CCL1: variants seen among roughly 807,000 people sequenced by gnomAD.
CCL1 encodes the protein C-C motif chemokine 1.
A neutral mutation model predicts 7.5 loss-of-function variants in CCL1; 9 were observed. The ratio of observed to expected loss-of-function variants is 1.20; its 90% CI spans 0.72 to 2.09. CCL1 has a LOEUF of 2.09. Ranked by LOEUF, CCL1 falls within the 30% of genes most tolerant of loss-of-function variation. The probability of loss-of-function intolerance (pLI) is 0.00; values close to 1 mark genes in which losing one functional copy is unlikely to be tolerated. For missense variants in CCL1, 110 were observed against 113.7 expected, an observed-to-expected ratio of 0.97 and a Z score of 0.15; for synonymous variants, 48 against 44.7, an observed-to-expected ratio of 1.07 and a Z score of -0.30.
chr17:34,361,997 C>A, intron 1 of CCL1, 101 bp from the exon 2 acceptor site: 1 of 736,114 alleles, frequency 1.4e-6, no homozygotes, highest in Non-Finnish European at 2.3e-6. Flanking sequence ...CCAGGACAAG[C>A]CCTGGCTTGG....
chr17:34,362,027 C>G, intron 1 of CCL1, 131 bp from the exon 2 acceptor site: 1 of 580,640 alleles, frequency 1.7e-6, no homozygotes, highest in Non-Finnish European at 3.1e-6. Context: ...CCAGACGGTG[C>G]CGGCATAGCT....
At chr17:34,362,050 C>T (rs1910521845) in intron 1 of CCL1, among the ~76,000 whole-genome samples, 154 bp from the exon 2 acceptor site, 1 of 152,200 alleles carries the variant, frequency 6.6e-6, no homozygotes, top group Admixed American at 6.5e-5. Context: ...GCCTCATCAG[C>T]CACCTTGTTC....
intron 1 of CCL1, 103 bp from the exon 2 acceptor site, chr17:34,361,999 C>A: frequency 1.4e-6 from 1 of 717,174 alleles, no homozygotes; most frequent in Admixed American, 2.3e-5. Flanking sequence ...AGGACAAGCC[C>A]TGGCTTGGGG....
intron 1 of CCL1, 126 bp from the exon 2 acceptor site, chr17:34,362,022 C>A: frequency 1.7e-6 from 1 of 601,972 alleles, no homozygotes; most frequent in South Asian, 2.0e-5. Context: ...CACATCCAGA[C>A]GGTGCCGGCA....
Position 34,361,855 on chromosome 17 carries a change from G to T in CCL1, c.118C>A (p.Gln40Lys). The change falls in exon 2 of 3, where the codon CAA (glutamine) becomes AAA (lysine). Residue 40 changes from glutamine (Q) to lysine (K), a missense_variant. Gln to Lys is a moderately conservative substitution (Grantham distance 53). Transcript: ENST00000225842. ...AGGATTGCCCTCAGGGGAATCTCTTGCTCCGCAAATGAGAAGCAACATCTG... is the reference window on the plus strand; with the variant it reads ...AGGATTGCCCTCAGGGGAATCTCTTTCTCCGCAAATGAGAAGCAACATCTG... ...FSRCCFSFAE[Q>K]EIPLRAILCY... The T allele has an allele frequency of 1.2e-6, 2 of 1,613,154 alleles. No individual in the cohort carries two copies. Among genetic ancestry groups the T allele is most frequent in the Non-Finnish European group, 8.5e-7 (1 of 1,179,180 alleles).
At chr17:34,361,083 T>TGG (rs929634110) in intron 2 of CCL1, among the ~76,000 whole-genome samples, 1 of 151,272 alleles carries the variant, frequency 6.6e-6, no homozygotes, top group Non-Finnish European at 1.5e-5. Context: ...TGTGTGTGGG[T>TGG]GTGTGTATTT....
intron 2 of CCL1, among the ~76,000 whole-genome samples, chr17:34,361,398 G>A (rs182516810): frequency 1.7e-4 from 26 of 152,290 alleles, no homozygotes; most frequent in African/African-American, 6.3e-4. Context: ...TCAGTACAAA[G>A]GAGTTACCTG....
rs202075985 is a variant in CCL1 at position 34,363,205 on chromosome 17, G to A, written c.-44C>T. The stretch of plus-strand genomic sequence containing the variant: ...GGCCTTCCTGGAGCAGCTTTGATGA[G>A]CCTGGTGAAGCTAAGAGCTCACCAC... On this transcript the variant is annotated 5_prime_UTR_variant, in exon 1 of 3. Transcript: ENST00000225842. The A allele has an allele frequency of 1.3e-6, 2 of 1,578,936 alleles. No individual in the cohort carries two copies. Among genetic ancestry groups the A allele is most frequent in the African/African-American group, 1.3e-5 (1 of 74,366 alleles).
At position 34,360,552 on chromosome 17, in the gene CCL1, A is replaced by C. The variant is rs749704943; in HGVS notation, c.*7T>G. 6.2e-7 allele frequency: 1 copy of C among 1,610,410 alleles called. No individual in the cohort carries two copies. The highest frequency in any genetic ancestry group is 2.2e-5 in the East Asian group (1 of 44,838). On this transcript the variant is annotated 3_prime_UTR_variant, in exon 3 of 3. Coordinates refer to ENST00000225842, the MANE Select transcript of CCL1 (RefSeq NM_002981.2). ...GTTTCCAGAGCCCACAATGGAAAGA[A>C]ATCTGCTCATTTTCTTTTTGACGGG...
chr17:34,360,505 C>A lies in CCL1; in HGVS notation c.*54G>T. The A allele has an allele frequency of 7.4e-7, 1 of 1,346,950 alleles. No homozygotes were observed. Among genetic ancestry groups the A allele is most frequent in the South Asian group, 1.2e-5 (1 of 85,832 alleles). 83.4% of individuals were successfully genotyped at this position (1,346,950 alleles called of 1,614,324 possible). A position where few individuals can be genotyped will look rare whatever the true frequency, so the allele number is the denominator to read the frequency against. On this transcript the variant is annotated 3_prime_UTR_variant, in exon 3 of 3. Coordinates refer to ENST00000225842, the MANE Select transcript of CCL1 (RefSeq NM_002981.2). Reference sequence around the variant, plus strand: ...AGGAATGGTGTAGGGCTGGTAGTTTCGGGGACAGGTGAAGCCATGTGGTTT... The same window carrying A: ...AGGAATGGTGTAGGGCTGGTAGTTTAGGGGACAGGTGAAGCCATGTGGTTT...
chr17:34,362,835 T>C (rs1487988598), intron 1 of CCL1, among the ~76,000 whole-genome samples: 1 of 49,062 alleles, frequency 2.0e-5, no homozygotes, highest in South Asian at 7.7e-4. Flanking sequence ...CAGGTTCCCT[T>C]CCTTGGGTCT....
chr17:34,361,960 T>A (rs769914616), intron 1 of CCL1, 64 bp from the exon 2 acceptor site: 28 of 1,164,146 alleles, frequency 2.4e-5, no homozygotes, highest in Non-Finnish European at 3.5e-5. Flanking sequence ...TAGCACAATT[T>A]TTAAAAAACA....
At chr17:34,362,568 T>C (rs796956353) in intron 1 of CCL1, among the ~76,000 whole-genome samples, 20 of 152,202 alleles carry the variant, frequency 1.3e-4, no homozygotes, top group African/African-American at 4.6e-4. Context: ...TTCCTCCTAG[T>C]TTTTCTGTTT....
At position 34,360,426 on chromosome 17, in the gene CCL1, CAT is replaced by C; in HGVS notation, c.*131_*132del. On this transcript the variant is annotated 3_prime_UTR_variant, in exon 3 of 3. Transcript: ENST00000225842. ...AATTTAAATGTTTAAAGTGCAACAACATAGCTTATCAAGACCAAGCAGATCCT... is the reference window on the plus strand; with the variant it reads ...AATTTAAATGTTTAAAGTGCAACAACAGCTTATCAAGACCAAGCAGATCCT... 1.4e-6 allele frequency: 1 copy of C among 705,480 alleles called. No homozygotes were observed. The highest frequency in any genetic ancestry group is 2.6e-6 in the Non-Finnish European group (1 of 391,962). 43.7% of individuals were successfully genotyped at this position (705,480 alleles called of 1,614,324 possible).
At chr17:34,361,721 T>G (rs141412811) in intron 2 of CCL1, 64 bp downstream of exon 2, 1 of 1,085,666 alleles carries the variant, frequency 9.2e-7, no homozygotes, top group Non-Finnish European at 1.4e-6. Context: ...TAGTGTCTAC[T>G]CTTGTAATTC....
Position 34,361,915 on chromosome 17 carries a change from C to A in CCL1, c.77-19G>T, listed in dbSNP as rs182368294. 4.6e-6 allele frequency: 7 copies of A among 1,520,504 alleles called. No homozygotes were observed. In the Admixed American group the frequency reaches 1.0e-4, roughly 22 times the overall value. The allele number at this position is 1,520,504 out of a possible 1,614,324, so 94.2% of individuals were successfully genotyped here. On this transcript the variant is annotated intron_variant, in intron 1 of 2. Transcript: ENST00000225842. ...ACCTGCACTAGAAGAGGAACACAGA[C>A]GATGGTTTGCATCCATTTCTCAACC...
Position 34,363,068 on chromosome 17 carries a change from G to T in CCL1, c.76+18C>A, listed in dbSNP as rs769545136. The T allele has an allele frequency of 3.7e-6, 6 of 1,610,120 alleles. No homozygotes were observed. The South Asian group carries it at 5.5e-5, about 15-fold the overall frequency. On this transcript the variant is annotated intron_variant, in intron 1 of 2. Transcript: ENST00000225842. ...TGCCCTCCCCAGAGAGAAGCAAAAT[G>T]ATGCCTGCCACACTCACTGCTCTTG...
intron 1 of CCL1, 40 bp from the exon 2 acceptor site, chr17:34,361,936 C>A: frequency 1.5e-6 from 2 of 1,299,188 alleles, no homozygotes; most frequent in African/African-American, 1.5e-5. Flanking sequence ...ATCCATTTCT[C>A]AACCTCTCAC....
intron 1 of CCL1, among the ~76,000 whole-genome samples, chr17:34,362,661 T>TA (rs905623551): frequency 1.7e-4 from 26 of 152,256 alleles, no homozygotes; most frequent in African/African-American, 6.3e-4. Context: ...ATTTCACTGA[T>TA]AGAGAAAGTA....
Sources: allele counts gnomAD v4.1 joint callset (sites outside exome capture counted in the v4.1 genomes callset), GRCh38; gene constraint gnomAD v4.1.1; transcripts MANE v1.5; gene names NCBI Gene and HGNC (gene_info 2026-07-23, HGNC 2026-07-21).